The following ZNF846 variants were observed in gnomAD, a reference collection of about 807,000 sequenced individuals.
The protein encoded by ZNF846 is zinc finger protein 420 pseudogene.
ZNF846 carries 15 observed loss-of-function variants against 16.0 expected under a neutral mutation model. The observed-to-expected ratio is 0.94, with a 90% CI of 0.63 to 1.45. ZNF846 has a LOEUF of 1.45. Among genes scored for constraint, ZNF846 ranks in the 40% most tolerant of loss-of-function variants. The probability of loss-of-function intolerance (pLI) is 0.00; values close to 1 mark genes in which losing one functional copy is unlikely to be tolerated. For missense variants in ZNF846, 714 were observed against 622.3 expected, an observed-to-expected ratio of 1.15 and a Z score of -1.57; for synonymous variants, 229 against 212.0, an observed-to-expected ratio of 1.08 and a Z score of -0.70.
chr19:9,764,940 G>A (rs753253569), exon 2 of ZNF846: 2 of 1,614,032 alleles, frequency 1.2e-6, no homozygotes, highest in Non-Finnish European at 1.7e-6. Context: ...ACTTGCCTGA[G>A]AAGAATCCAT....
chr19:9,771,899 C>T (rs1244790200), upstream of ZNF846, among the ~76,000 whole-genome samples: 1 of 152,086 alleles, frequency 6.6e-6, no homozygotes, highest in Non-Finnish European at 1.5e-5. Context: ...TCCCAAGTAG[C>T]TGAGACTACA....
intron 1 of ZNF846, among the ~76,000 whole-genome samples, chr19:9,775,193 A>ATGTGTGTGTGTGTG (rs113690294): frequency 8.0e-5 from 12 of 149,418 alleles, no homozygotes; most frequent in African/African-American, 3.0e-4. Flanking sequence ...GTGTATATAT[A>ATGTGTGTGTGTGTG]TGTGTGTGTG....
In ZNF846 at chr19:9,783,526, T is replaced by TAA. The variant is rs1161223088; in HGVS notation, c.-86+2410_-86+2411dup. 7.0e-4 allele frequency among the ~76,000 whole-genome samples: 74 copies of TAA among 106,166 alleles called. 1 individual carries two copies. Among genetic ancestry groups the TAA allele is most frequent in the Admixed American group, 1.1e-3 (10 of 9,460 alleles). The allele number at this position is 106,166 out of a possible 152,430, so 69.6% of individuals were successfully genotyped here. On this transcript the variant is annotated intron_variant, in intron 1 of 4. Coordinates refer to the ZNF846 transcript ENST00000586814. ...GGCAACATAGTGAGAGTCTCATCACTAAAAAAAAAAAAAAAAAAATATATA... is the reference window on the plus strand; with the variant it reads ...GGCAACATAGTGAGAGTCTCATCACTAAAAAAAAAAAAAAAAAAAAATATATA...
At chr19:9,785,672 C>A (rs1339479689) in intron 1 of ZNF846, among the ~76,000 whole-genome samples, 1 of 70,530 alleles carries the variant, frequency 1.4e-5, no homozygotes, top group African/African-American at 5.8e-5. Context: ...CCCGCCCCAT[C>A]TCCCCCTCAC....
At chr19:9,770,782 T>A (rs2045383583), upstream of ZNF846, among the ~76,000 whole-genome samples, 1 of 151,818 alleles carries the variant, frequency 6.6e-6, no homozygotes, top group South Asian at 2.1e-4. Flanking sequence ...GGCAGGAGAA[T>A]CACTTGAACC....
intron 1 of ZNF846, among the ~76,000 whole-genome samples, chr19:9,781,194 T>C (rs539581795): frequency 8.5e-5 from 13 of 152,218 alleles, no homozygotes; most frequent in Middle Eastern, 3.4e-3. Flanking sequence ...TGGCGGATCT[T>C]GGCTCACTGC....
At chr19:9,774,592 A>C in intron 1 of ZNF846, 2 of 1,512,078 alleles carry the variant, frequency 1.3e-6, no homozygotes, top group Non-Finnish European at 1.8e-6. Flanking sequence ...AAGCTAATTT[A>C]TTGACTTAGC....
chr19:9,779,419 C>T (rs1262584093), intron 1 of ZNF846, among the ~76,000 whole-genome samples: 2 of 152,120 alleles, frequency 1.3e-5, no homozygotes, highest in South Asian at 2.1e-4. Flanking sequence ...CAGGCATGCG[C>T]CACCACGCCT....
At chr19:9,760,725 C>CAT (rs145755285) in intron 4 of ZNF846, among the ~76,000 whole-genome samples, 7 of 150,258 alleles carry the variant, frequency 4.7e-5, no homozygotes, top group South Asian at 2.1e-4. Flanking sequence ...TATATATATA[C>CAT]ATATATATAT....
intron 1 of ZNF846, chr19:9,774,689 C>T: frequency 6.7e-7 from 1 of 1,496,642 alleles, no homozygotes; most frequent in Non-Finnish European, 9.3e-7. Context: ...TCCATTCAAA[C>T]TACCAAAGAT....
At chr19:9,774,683 T>C in intron 1 of ZNF846, 3 of 1,492,476 alleles carry the variant, frequency 2.0e-6, no homozygotes, top group Non-Finnish European at 2.8e-6. Flanking sequence ...AGAGTATCCA[T>C]TCAAACTACC....
At chr19:9,785,469 A>C (rs1599407159) in intron 1 of ZNF846, among the ~76,000 whole-genome samples, 1 of 145,702 alleles carries the variant, frequency 6.9e-6, no homozygotes, top group African/African-American at 2.6e-5. Flanking sequence ...CTGTCCCCTC[A>C]CCACTACTCT....
downstream of ZNF846, among the ~76,000 whole-genome samples, chr19:9,757,304 A>G (rs1013658744): frequency 6.6e-6 from 1 of 151,804 alleles, no homozygotes; most frequent in Admixed American, 6.6e-5. Context: ...ATAAGATGTG[A>G]AGAATTACTA....
At chr19:9,753,621 T>G (rs2145163891), downstream of ZNF846, among the ~76,000 whole-genome samples, 1 of 151,798 alleles carries the variant, frequency 6.6e-6, no homozygotes, top group East Asian at 1.9e-4. Flanking sequence ...TGTTTTCATT[T>G]GTCTCAAGAT....
upstream of ZNF846, among the ~76,000 whole-genome samples, chr19:9,771,587 A>G (rs2045391298): frequency 6.6e-6 from 1 of 152,228 alleles, no homozygotes; most frequent in Non-Finnish European, 1.5e-5. Context: ...ACTTAGAATA[A>G]TAGTCTCTAT....
chr19:9,764,694 G>A (rs1017616261), intron 2 of ZNF846: 7 of 536,676 alleles, frequency 1.3e-5, no homozygotes, highest in African/African-American at 3.9e-5. Context: ...CTGCCAATCT[G>A]CCTGGGAACA....
At chr19:9,757,928 T>A (rs1183876757) in exon 6 of ZNF846, 2 of 1,613,504 alleles carry the variant, frequency 1.2e-6, no homozygotes, top group Non-Finnish European at 1.7e-6. Flanking sequence ...TTCTCATGTG[T>A]AAAACAAGTC....
intron 1 of ZNF846, among the ~76,000 whole-genome samples, chr19:9,781,284 G>A (rs759520622): frequency 5.9e-5 from 9 of 151,856 alleles, no homozygotes; most frequent in Non-Finnish European, 1.0e-4. Flanking sequence ...GCACCACCAC[G>A]CCCTGTAATT....
chr19:9,751,077 A>G (rs886653004), downstream of ZNF846, among the ~76,000 whole-genome samples: 2 of 152,082 alleles, frequency 1.3e-5, no homozygotes, highest in Non-Finnish European at 2.9e-5. Context: ...GCTTCTTCCA[A>G]TCGTTAGTTC....
Sources: allele counts gnomAD v4.1 joint callset (sites outside exome capture counted in the v4.1 genomes callset), GRCh38; gene constraint gnomAD v4.1.1; transcripts MANE v1.5; gene names NCBI Gene and HGNC (gene_info 2026-07-23, HGNC 2026-07-21).